Variants in HECW1 observed in about 807,000 individuals in gnomAD.
HECW1 encodes HECT, C2 and WW domain containing E3 ubiquitin protein ligase 1, also known as E3 ubiquitin-protein ligase HECW1.
Under a neutral mutation model 182.3 loss-of-function variants are expected in HECW1, and 61 were observed. The ratio of observed to expected loss-of-function variants is 0.33; its 90% confidence interval spans 0.27 to 0.41. The LOEUF (loss-of-function observed/expected upper bound fraction) is 0.41. Ranked by LOEUF, HECW1 falls within the 10% of genes least tolerant of loss-of-function variation. HECW1 has a pLI of 1.00. For missense variants in HECW1, 1,739 were observed against 2,108.9 expected (o/e 0.82, Z 3.44); for synonymous variants, 859 against 832.6 (o/e 1.03, Z -0.55).
chr7:43,230,761 GAGAC>G (rs1401479014), intron 2 of HECW1, among the ~76,000 whole-genome samples: 3 of 152,104 alleles, frequency 2.0e-5, no homozygotes, highest in Non-Finnish European at 2.9e-5. Flanking sequence ...CACATACAGA[GAGAC>G]AGAAAAAGGA....
intron 3 of HECW1, among the ~76,000 whole-genome samples, chr7:43,269,005 T>A (rs1310544517): frequency 6.6e-6 from 1 of 152,100 alleles, no homozygotes; most frequent in East Asian, 1.9e-4. Context: ...TTATGTTCAT[T>A]TTTTTAAGTA....
rs759792072 is a variant in HECW1 at position 43,541,172 on chromosome 7, T to C, written c.4029T>C (p.Phe1343=). Residue 1343 remains phenylalanine (F), a synonymous_variant, in exon 25 of 30, where the codon TTT becomes TTC. Transcript: ENST00000395891. ...FVENHLEWFR[F]SGRILGLALI... ...CTTGTCTGTGTTCCAGGTTCAGGTT[T>C]AGCGGTCGCATCCTGGGTCTGGCTC... The C allele has an allele frequency of 3.1e-6, 5 of 1,613,816 alleles. No individual in the cohort carries two copies. The highest frequency in any genetic ancestry group is 4.2e-6 in the Non-Finnish European group (5 of 1,179,744).
At chr7:43,262,566 ATAAT>A in intron 3 of HECW1, among the ~76,000 whole-genome samples, 1 of 152,204 alleles carries the variant, frequency 6.6e-6, no homozygotes, top group East Asian at 1.9e-4. Context: ...AAATGAATCT[ATAAT>A]TACTTACTTA....
intron 15 of HECW1, among the ~76,000 whole-genome samples, chr7:43,468,430 A>G (rs185179607): frequency 1.9e-3 from 290 of 152,180 alleles, no homozygotes; most frequent in Non-Finnish European, 2.4e-3. Context: ...TCGCACAGAG[A>G]GGTGGGCCGT....
At chr7:43,346,531 A>T (rs12702032) in intron 5 of HECW1, among the ~76,000 whole-genome samples, 5,212 of 152,000 alleles carry the variant, frequency 0.034, 97 homozygotes, top group Middle Eastern at 0.041. Context: ...TTTTTATTGC[A>T]TTTGCTTTTG....
intron 24 of HECW1, among the ~76,000 whole-genome samples, chr7:43,528,149 C>G (rs1024971460): frequency 6.6e-6 from 1 of 152,112 alleles, no homozygotes; most frequent in South Asian, 2.1e-4. Context: ...ATCGTTTTTG[C>G]GACTTGTAGA....
At chr7:43,416,869 G>GC (rs145169532) in intron 8 of HECW1, among the ~76,000 whole-genome samples, 151,026 of 151,030 alleles carry the variant, frequency 1, 75,511 homozygotes, top group Middle Eastern at 1. Flanking sequence ...GTGAGGCAAT[G>GC]CTCGCCCTGC....
chr7:43,491,120 C>T (rs1435355885), intron 17 of HECW1, among the ~76,000 whole-genome samples: 2 of 152,192 alleles, frequency 1.3e-5, no homozygotes, highest in African/African-American at 4.8e-5. Flanking sequence ...AGTTATTTAT[C>T]TCTGAAGTTT....
In HECW1 at chr7:43,185,890, G is replaced by A. The variant is rs1216401568; in HGVS notation, c.-31-57985G>A. Among the ~76,000 whole-genome samples the A allele has an allele frequency of 2.0e-5, 3 of 152,002 alleles. No individual in the cohort carries two copies. In the East Asian group the frequency reaches 5.8e-4, roughly 29 times the overall value. On this transcript the variant is annotated intron_variant, in intron 2 of 29. Coordinates refer to ENST00000395891, the MANE Select transcript of HECW1 (RefSeq NM_015052.5). Reference sequence around the variant, plus strand: ...ATTTCATGGTTTTATTTAACAATTGGCATGCAAACTTTCTGAAAATTTAAC... The same window carrying A: ...ATTTCATGGTTTTATTTAACAATTGACATGCAAACTTTCTGAAAATTTAAC...
chr7:43,509,557 T>G (rs757802903), intron 24 of HECW1: 1 of 154,852 alleles, frequency 6.5e-6, no homozygotes, highest in Non-Finnish European at 1.4e-5. Flanking sequence ...GGTCAGATGA[T>G]CTCTAAGCAT....
At chr7:43,556,422 C>T (rs746663344) in intron 29 of HECW1, among the ~76,000 whole-genome samples, 7 of 152,186 alleles carry the variant, frequency 4.6e-5, no homozygotes, top group Non-Finnish European at 8.8e-5. Flanking sequence ...CGCAGTGGCT[C>T]ACGCCTGTAA....
intron 6 of HECW1, among the ~76,000 whole-genome samples, chr7:43,371,404 G>T (rs1393471768): frequency 6.6e-6 from 1 of 152,144 alleles, no homozygotes; most frequent in Non-Finnish European, 1.5e-5. Context: ...GGGGACAGGG[G>T]ATATATGGGA....
At chr7:43,425,995 C>A (rs1368850868) in intron 8 of HECW1, among the ~76,000 whole-genome samples, 4 of 152,070 alleles carry the variant, frequency 2.6e-5, no homozygotes, top group Admixed American at 1.3e-4. Context: ...TAGAGATCCC[C>A]CTCAACTTTT....
intron 2 of HECW1, among the ~76,000 whole-genome samples, chr7:43,155,675 G>A (rs1431041250): frequency 1.3e-5 from 2 of 152,138 alleles, no homozygotes; most frequent in African/African-American, 2.4e-5. Context: ...TTGTATTACC[G>A]TTTTGACTTT....
chr7:43,220,114 G>T (rs1796818807), intron 2 of HECW1, among the ~76,000 whole-genome samples: 1 of 152,200 alleles, frequency 6.6e-6, no homozygotes, highest in South Asian at 2.1e-4. Flanking sequence ...AAATTTAGGA[G>T]TTCCCAGTAC....
chr7:43,149,907 CA>C, intron 2 of HECW1, among the ~76,000 whole-genome samples: 1 of 152,096 alleles, frequency 6.6e-6, no homozygotes, highest in Non-Finnish European at 1.5e-5. Context: ...AAGTAAAACT[CA>C]AACAATTTTG....
chr7:43,277,171 C>T (rs563045842), intron 3 of HECW1, among the ~76,000 whole-genome samples: 1 of 152,138 alleles, frequency 6.6e-6, no homozygotes, highest in Non-Finnish European at 1.5e-5. Flanking sequence ...GATGAACAAA[C>T]CTCCCTTATC....
At chr7:43,523,034 G>A (rs749996957) in intron 24 of HECW1, 6 of 446,388 alleles carry the variant, frequency 1.3e-5, no homozygotes, top group South Asian at 1.6e-5. Context: ...ATGGAATTTC[G>A]CTCTTGTCCC....
At chr7:43,435,930 C>T (rs2076696101) in intron 8 of HECW1, among the ~76,000 whole-genome samples, 1 of 152,034 alleles carries the variant, frequency 6.6e-6, no homozygotes, top group Admixed American at 6.5e-5. Flanking sequence ...TTTGGGAGGC[C>T]GAGGCAGGCG....
Sources: allele counts gnomAD v4.1 joint callset (sites outside exome capture counted in the v4.1 genomes callset), GRCh38; gene constraint gnomAD v4.1.1; transcripts MANE v1.5; gene names NCBI Gene and HGNC (gene_info 2026-07-23, HGNC 2026-07-21).